Variants in RIOX2 observed in about 807,000 individuals in gnomAD.
The protein encoded by RIOX2 is 60S ribosomal protein L27a histidine hydroxylase.
Under a neutral mutation model 51.2 loss-of-function variants are expected in RIOX2, and 43 were observed. The observed-to-expected ratio is 0.84, with a 90% CI of 0.66 to 1.08. The LOEUF (loss-of-function observed/expected upper bound fraction) is 1.08. Among genes scored for constraint, RIOX2 ranks in the 50% least tolerant of loss-of-function variants. The probability of loss-of-function intolerance (pLI) is 0.00; values close to 1 mark genes in which losing one functional copy is unlikely to be tolerated. For synonymous variants in RIOX2, 226 were observed against 218.5 expected, an observed-to-expected ratio of 1.03 and a Z score of -0.30; for missense variants, 566 against 561.7, an observed-to-expected ratio of 1.01 and a Z score of -0.08.
At position 97,959,063 on chromosome 3, in the gene RIOX2, C is replaced by T. The variant is rs973353292; in HGVS notation, c.669G>A (p.Glu223=). 1.3e-5 allele frequency: 21 copies of T among 1,613,012 alleles called. No individual in the cohort carries two copies. The highest frequency in any genetic ancestry group is 1.7e-5 in the Admixed American group (1 of 59,842). The change falls in exon 4 of 10, where the codon GAG becomes GAA. Residue 223 remains glutamate (E), a synonymous_variant. Coordinates refer to ENST00000394198, the MANE Select transcript of RIOX2 (RefSeq NM_153182.4). The stretch of plus-strand genomic sequence containing the variant: ...GGTTATCACATACCTTCAGCATAAA[C>T]TCATGCACCGGCCTGCCGATCCTTT... ...AEERIGRPVH[E]FMLKPGDLLY...
chr3:97,947,467 G>C lies in RIOX2; in HGVS notation c.1061-18C>G. On this transcript the variant is annotated intron_variant, in intron 7 of 9. Transcript: ENST00000394198. ...CTTTCCACCTAGAAAACCCCAAAGA[G>C]AGAAAGCCGACCTTCAAAAAAGGAA... 6.2e-7 allele frequency: 1 copy of C among 1,603,426 alleles called. No individual in the cohort carries two copies. Among genetic ancestry groups the C allele is most frequent in the Non-Finnish European group, 8.5e-7 (1 of 1,171,468 alleles).
chr3:97,946,604 A>ATATG (rs1553712244), intron 8 of RIOX2, among the ~76,000 whole-genome samples: 2 of 139,724 alleles, frequency 1.4e-5, no homozygotes, highest in Admixed American at 1.4e-4. Flanking sequence ...ATATATATAT[A>ATATG]TATCTATTCA....
intron 2 of RIOX2, among the ~76,000 whole-genome samples, chr3:97,965,719 G>A (rs1334158706): frequency 2.0e-5 from 3 of 152,194 alleles, no homozygotes; most frequent in Non-Finnish European, 4.4e-5. Context: ...TGATTCTAAA[G>A]TAGAGAAATG....
chr3:97,967,858 A>G (rs1705953638), intron 1 of RIOX2, among the ~76,000 whole-genome samples: 1 of 152,232 alleles, frequency 6.6e-6, no homozygotes, highest in African/African-American at 2.4e-5. Flanking sequence ...CATCTAAAGA[A>G]GAACGTGTTT....
intron 1 of RIOX2, among the ~76,000 whole-genome samples, chr3:97,968,213 C>A (rs1705970403): frequency 6.6e-6 from 1 of 152,108 alleles, no homozygotes; most frequent in Non-Finnish European, 1.5e-5. Flanking sequence ...TCTCCTGTCT[C>A]CACTAACCAC....
chr3:97,945,387 T>G lies in RIOX2; in HGVS notation c.1240-45A>C, dbSNP rs771559121. The G allele has an allele frequency of 5.3e-6, 8 of 1,513,962 alleles. No homozygotes were observed. The South Asian group carries it at 9.8e-5, about 19-fold the overall frequency. 93.8% of individuals were successfully genotyped at this position (1,513,962 alleles called of 1,614,324 possible). On this transcript the variant is annotated intron_variant, in intron 9 of 9. Coordinates refer to ENST00000394198, the MANE Select transcript of RIOX2 (RefSeq NM_153182.4). ...TGTCAAAATATATGTATACTACTTATGTCATTGAAGTAGCATTTTCCTGTA... is the reference window on the plus strand; with the variant it reads ...TGTCAAAATATATGTATACTACTTAGGTCATTGAAGTAGCATTTTCCTGTA...
Position 97,942,577 on chromosome 3 carries a change from T to C in RIOX2, c.*2607A>G. ...ATTTAAAATTATGCTTGAAGAAAAT[T>C]AAGATAGGCAGTTTTACAAACAAAA... is the stretch of plus-strand genomic sequence containing the variant. On this transcript the variant is annotated 3_prime_UTR_variant, in exon 10 of 10. Coordinates refer to ENST00000394198, the MANE Select transcript of RIOX2 (RefSeq NM_153182.4). 4.8e-6 allele frequency: 4 copies of C among 839,670 alleles called. No individual in the cohort carries two copies. The highest frequency in any genetic ancestry group is 7.1e-6 in the Non-Finnish European group (4 of 560,960). 52.0% of individuals were successfully genotyped at this position (839,670 alleles called of 1,614,324 possible).
chr3:97,954,075 A>AGT (rs1212129667), intron 5 of RIOX2: 22 of 246,438 alleles, frequency 8.9e-5, no homozygotes, highest in African/African-American at 4.8e-4. Flanking sequence ...AAAGAGAGAG[A>AGT]GTATGAGCCC....
intron 5 of RIOX2, among the ~76,000 whole-genome samples, chr3:97,952,411 A>G (rs1436495371): frequency 6.6e-6 from 1 of 152,110 alleles, no homozygotes; most frequent in Non-Finnish European, 1.5e-5. Context: ...CCAGTTCCTC[A>G]CTCTTGGGAT....
chr3:97,945,964 T>C (rs2040347926), intron 8 of RIOX2, 77 bp from the exon 9 acceptor site: 1 of 1,011,192 alleles, frequency 9.9e-7, no homozygotes, highest in Non-Finnish European at 1.5e-6. Context: ...GGTTTTCCAA[T>C]AGGTCAACAC....
At chr3:97,960,433 A>G (rs1187536160) in intron 3 of RIOX2, among the ~76,000 whole-genome samples, 2 of 152,220 alleles carry the variant, frequency 1.3e-5, no homozygotes, top group Non-Finnish European at 2.9e-5. Flanking sequence ...AACATACAAA[A>G]TAAGTGTTAA....
chr3:97,950,905 G>T lies in RIOX2; in HGVS notation c.786-17C>A. ...CCCCATGAACTAGGATATGCACCAA[G>T]GGGGAAAAAAAAACCAAAACAGTGA... is the stretch of plus-strand genomic sequence containing the variant. On this transcript the variant is annotated splice_polypyrimidine_tract_variant and intron_variant, in intron 5 of 9. Transcript: ENST00000394198. The T allele has an allele frequency of 6.3e-7, 1 of 1,588,686 alleles. No homozygotes were observed. Among genetic ancestry groups the T allele is most frequent in the Non-Finnish European group, 8.6e-7 (1 of 1,158,554 alleles).
chr3:97,952,104 CA>C (rs1318875871), intron 5 of RIOX2: 2 of 1,130,814 alleles, frequency 1.8e-6, no homozygotes, highest in Non-Finnish European at 2.4e-6. Context: ...CCAAACACTC[CA>C]ACAATGCTAC....
rs1477167673 is a variant in RIOX2 at position 97,944,254 on chromosome 3, A to G, written c.*930T>C. The G allele has an allele frequency of 6.6e-6, 1 of 151,832 alleles. No individual in the cohort carries two copies. The highest frequency in any genetic ancestry group is 1.5e-5 in the Non-Finnish European group (1 of 67,862). The allele number at this position is 151,832 out of a possible 1,614,324, so 9.4% of individuals were successfully genotyped here. A position where few individuals can be genotyped will look rare whatever the true frequency, so the allele number is the denominator to read the frequency against. On this transcript the variant is annotated 3_prime_UTR_variant, in exon 10 of 10. Transcript: ENST00000394198. Reference sequence around the variant, plus strand: ...ACAGAAACCTCAGTTTTTCACTCCCATTGTAAGTAACTTTTATTTAAGTAA... The same window carrying G: ...ACAGAAACCTCAGTTTTTCACTCCCGTTGTAAGTAACTTTTATTTAAGTAA...
Position 97,944,431 on chromosome 3 carries a change from A to G in RIOX2, c.*753T>C, listed in dbSNP as rs1057067900. On this transcript the variant is annotated 3_prime_UTR_variant, in exon 10 of 10. Transcript: ENST00000394198. Reference sequence around the variant, plus strand: ...CCTTTTATCCCCAACTTTTGCCAGAAAGCAGAAAAATGCTCTATTTTTATA... The same window carrying G: ...CCTTTTATCCCCAACTTTTGCCAGAGAGCAGAAAAATGCTCTATTTTTATA... The G allele has an allele frequency of 6.6e-6, 1 of 152,332 alleles. No individual in the cohort carries two copies. Among genetic ancestry groups the G allele is most frequent in the Non-Finnish European group, 1.5e-5 (1 of 67,892 alleles). The allele number at this position is 152,332 out of a possible 1,614,324, so 9.4% of individuals were successfully genotyped here.
Position 97,949,826 on chromosome 3 carries a change from G to T in RIOX2, c.1060+18C>A. ...TGCATTAGCCTCTGACCACCCAGAA[G>T]AAAACAGCAAGCTCCACCTGGTGTT... is the stretch of plus-strand genomic sequence containing the variant. On this transcript the variant is annotated intron_variant, in intron 7 of 9. Coordinates refer to ENST00000394198, the MANE Select transcript of RIOX2 (RefSeq NM_153182.4). The T allele has an allele frequency of 6.2e-7, 1 of 1,611,020 alleles. No individual in the cohort carries two copies.
chr3:97,944,775 T>C lies in RIOX2; in HGVS notation c.*409A>G, dbSNP rs1575987626. ...TCTATACACAAAGGTATGTATATTT[T>C]CATTATAAAAAACCAGTTTAAAATT... On this transcript the variant is annotated 3_prime_UTR_variant, in exon 10 of 10. Transcript: ENST00000394198. 1 of 155,012 alleles carries C rather than the reference T, an allele frequency of 6.5e-6. No individual in the cohort carries two copies. The highest frequency in any genetic ancestry group is 6.5e-5 in the Admixed American group (1 of 15,470). The allele number at this position is 155,012 out of a possible 1,614,324, so 9.6% of individuals were successfully genotyped here. A position where few individuals can be genotyped will look rare whatever the true frequency, so the allele number is the denominator to read the frequency against.
rs775747206 is a variant in RIOX2, at chr3:97,950,020, G to A, written c.889-5C>T. 2.4e-5 allele frequency: 39 copies of A among 1,613,034 alleles called. No homozygotes were observed. In the East Asian group the frequency reaches 6.9e-4, roughly 29 times the overall value. On this transcript the variant is annotated splice_polypyrimidine_tract_variant and splice_region_variant and intron_variant, in intron 6 of 9. Transcript: ENST00000394198. ...AACAGTTGTGGATTCCACCTGCTAG[G>A]AACACAGAAGTGAGTCCTGGCCCAG...
At chr3:97,956,297 C>T (rs1431445699) in intron 4 of RIOX2, among the ~76,000 whole-genome samples, 1 of 152,314 alleles carries the variant, frequency 6.6e-6, no homozygotes, top group African/African-American at 2.4e-5. Flanking sequence ...ACCCTCCTGG[C>T]TGGAAAACGT....
Sources: gnomAD v4.1 joint callset for allele counts (sites outside exome capture counted in the v4.1 genomes callset) on GRCh38, gnomAD v4.1.1 for gene constraint, MANE v1.5 for transcripts, NCBI Gene and HGNC (gene_info 2026-07-23, HGNC 2026-07-21) for gene names.